The following TBC1D19 variants were observed in gnomAD, a reference collection of about 807,000 sequenced individuals.
TBC1D19 encodes TBC1 domain family, member 19.
TBC1D19 carries 60 observed loss-of-function variants against 89.0 expected under a neutral mutation model. The observed-to-expected ratio is 0.67, with a 90% CI of 0.55 to 0.84. TBC1D19 has a LOEUF of 0.84. TBC1D19 is among the 40% of genes least tolerant of loss of function. The pLI, the probability that TBC1D19 is intolerant of heterozygous loss-of-function variation, is 0.00. For missense variants in TBC1D19, 500 were observed against 610.8 expected (o/e 0.82, Z 1.91); for synonymous variants, 189 against 199.7 (o/e 0.95, Z 0.45).
intron 13 of TBC1D19, among the ~76,000 whole-genome samples, chr4:26,694,854 A>G (rs1178484752): frequency 6.6e-6 from 1 of 152,244 alleles, no homozygotes; most frequent in Admixed American, 6.5e-5. Flanking sequence ...AAGTAAAACT[A>G]ACAAACAGAA....
At chr4:26,585,275 C>G (rs959348352) in intron 1 of TBC1D19, 4 of 394,336 alleles carry the variant, frequency 1.0e-5, no homozygotes, top group Non-Finnish European at 2.0e-5. Context: ...TCTGAGAGTT[C>G]CAATTGTTTT....
chr4:26,818,116 T>C, the TBC1D19 span, among the ~76,000 whole-genome samples: 1 of 151,856 alleles, frequency 6.6e-6, no homozygotes, highest in Non-Finnish European at 1.5e-5. Context: ...TAGTGCCAAC[T>C]CTGGGCCACT....
At chr4:26,790,305 C>T in the TBC1D19 span, among the ~76,000 whole-genome samples, 2 of 152,176 alleles carry the variant, frequency 1.3e-5, no homozygotes, top group Non-Finnish European at 2.9e-5. Flanking sequence ...GCCTTGGCCT[C>T]TCAATCACCA....
At chr4:26,834,155 A>G in the TBC1D19 span, among the ~76,000 whole-genome samples, 154 of 152,084 alleles carry the variant, frequency 1.0e-3, no homozygotes, top group Non-Finnish European at 1.9e-3. Flanking sequence ...GCCTTCTGCC[A>G]TGATTGTAAG....
intron 4 of TBC1D19, among the ~76,000 whole-genome samples, chr4:26,630,919 G>T (rs976493502): frequency 6.6e-6 from 1 of 152,006 alleles, no homozygotes; most frequent in African/African-American, 2.4e-5. Flanking sequence ...GAAACCTAAA[G>T]GATGGCCAAG....
chr4:26,623,695 G>A (rs1204283831), intron 4 of TBC1D19, among the ~76,000 whole-genome samples: 1 of 152,038 alleles, frequency 6.6e-6, no homozygotes, highest in Non-Finnish European at 1.5e-5. Flanking sequence ...TAGTGATCAA[G>A]TGCTATATAT....
chr4:26,605,052 AT>A (rs902407852), intron 1 of TBC1D19, among the ~76,000 whole-genome samples: 48 of 151,744 alleles, frequency 3.2e-4, no homozygotes, highest in Middle Eastern at 3.4e-3. Flanking sequence ...TTTTATTTTT[AT>A]TTTTTTATTA....
chr4:26,659,758 A>G (rs745381062), intron 8 of TBC1D19, 51 bp downstream of exon 8: 124 of 1,230,650 alleles, frequency 1.0e-4, no homozygotes, highest in Non-Finnish European at 4.6e-6. Context: ...AACCATTAGA[A>G]AAATGTTTTA....
At chr4:26,740,842 C>T in intron 17 of TBC1D19, 2 of 985,338 alleles carry the variant, frequency 2.0e-6, no homozygotes, top group Non-Finnish European at 2.4e-6. Context: ...CCATTCTAAG[C>T]CTATATATTC....
chr4:26,663,405 A>C (rs112121867), intron 8 of TBC1D19, among the ~76,000 whole-genome samples: 2 of 152,332 alleles, frequency 1.3e-5, no homozygotes, highest in African/African-American at 4.8e-5. Context: ...TAAAATCAAT[A>C]GATGATATCT....
intron 11 of TBC1D19, among the ~76,000 whole-genome samples, chr4:26,682,286 G>C (rs1464528735): frequency 2.0e-5 from 3 of 151,968 alleles, no homozygotes; most frequent in Non-Finnish European, 4.4e-5. Flanking sequence ...AAATAATTTT[G>C]CTTTAGTTAA....
chr4:26,747,507 A>G (rs1718714312), intron 18 of TBC1D19, among the ~76,000 whole-genome samples: 1 of 152,232 alleles, frequency 6.6e-6, no homozygotes, highest in Non-Finnish European at 1.5e-5. Flanking sequence ...GATAATTAAT[A>G]CAATGACACC....
At chr4:26,838,216 G>T in the TBC1D19 span, among the ~76,000 whole-genome samples, 1 of 152,132 alleles carries the variant, frequency 6.6e-6, no homozygotes, top group Non-Finnish European at 1.5e-5. Context: ...CTGCATCTGA[G>T]TGTAGAATGG....
At chr4:26,580,123 TC>T (rs895720835), upstream of TBC1D19, among the ~76,000 whole-genome samples, 2 of 152,008 alleles carry the variant, frequency 1.3e-5, no homozygotes, top group African/African-American at 4.8e-5. Context: ...AGTAGCCCAG[TC>T]CTCCCCATTC....
chr4:26,747,953 C>T (rs1368600268), intron 18 of TBC1D19, among the ~76,000 whole-genome samples: 1 of 152,052 alleles, frequency 6.6e-6, no homozygotes, highest in Non-Finnish European at 1.5e-5. Flanking sequence ...TTATTTTATT[C>T]ATCCTATATA....
the TBC1D19 span, among the ~76,000 whole-genome samples, chr4:26,788,822 A>G: frequency 6.6e-6 from 1 of 152,104 alleles, no homozygotes; most frequent in Non-Finnish European, 1.5e-5. Context: ...TGCTCTAGAG[A>G]CAAGTATTTG....
intron 4 of TBC1D19, among the ~76,000 whole-genome samples, chr4:26,631,146 A>T (rs965946286): frequency 1.3e-5 from 2 of 152,090 alleles, no homozygotes; most frequent in African/African-American, 4.8e-5. Context: ...CAGAGGATAG[A>T]CATGGCCAGC....
chr4:26,659,323 A>G (rs1018179392), intron 7 of TBC1D19, among the ~76,000 whole-genome samples: 3 of 152,134 alleles, frequency 2.0e-5, no homozygotes, highest in African/African-American at 4.8e-5. Context: ...ACCACCAAAA[A>G]GTTTTTATTT....
the TBC1D19 span, among the ~76,000 whole-genome samples, chr4:26,822,822 T>G: frequency 6.6e-6 from 1 of 152,164 alleles, no homozygotes; most frequent in East Asian, 1.9e-4. Context: ...TAGATAGAGT[T>G]TAAAACATGT....
Sources: gnomAD v4.1 joint callset for allele counts (sites outside exome capture counted in the v4.1 genomes callset) on GRCh38, gnomAD v4.1.1 for gene constraint, MANE v1.5 for transcripts, NCBI Gene and HGNC (gene_info 2026-07-23, HGNC 2026-07-21) for gene names.